The following ENTREP2 variants were observed in gnomAD, a reference collection of about 807,000 sequenced individuals.
The protein encoded by ENTREP2 is endosomal transmembrane epsin interactor 2.
the ENTREP2 span, among the ~76,000 whole-genome samples, chr15:29,275,194 A>G: frequency 2.0e-5 from 3 of 152,252 alleles, no homozygotes; most frequent in Non-Finnish European, 2.9e-5. Context: ...CAGTAGAACG[A>G]TGAGAAAGAT....
the ENTREP2 span, among the ~76,000 whole-genome samples, chr15:29,468,115 A>G: frequency 6.6e-5 from 10 of 152,244 alleles, no homozygotes; most frequent in South Asian, 2.1e-4. Flanking sequence ...TTATTCCCCC[A>G]AAGAACCTAG....
chr15:29,327,380 A>G, the ENTREP2 span, among the ~76,000 whole-genome samples: 8,694 of 152,096 alleles, frequency 0.057, 800 homozygotes, highest in African/African-American at 0.2. Flanking sequence ...GGATCACGAG[A>G]TTAGGAGGTT....
chr15:29,602,240 T>A, the ENTREP2 span, among the ~76,000 whole-genome samples: 1 of 152,228 alleles, frequency 6.6e-6, no homozygotes, highest in Admixed American at 6.5e-5. Flanking sequence ...CCCAAGCACC[T>A]ACTACAGTAC....
chr15:29,397,720 T>C, the ENTREP2 span, among the ~76,000 whole-genome samples: 2 of 152,140 alleles, frequency 1.3e-5, no homozygotes, highest in African/African-American at 2.4e-5. Flanking sequence ...ATTGGAAATA[T>C]GCTCAAACAG....
the ENTREP2 span, among the ~76,000 whole-genome samples, chr15:29,195,697 G>A: frequency 6.6e-6 from 1 of 151,870 alleles, no homozygotes; most frequent in Non-Finnish European, 1.5e-5. Flanking sequence ...GCTAATTTTT[G>A]TATTTTTAGT....
chr15:29,543,546 G>C, the ENTREP2 span, among the ~76,000 whole-genome samples: 1 of 150,244 alleles, frequency 6.7e-6, no homozygotes, highest in South Asian at 2.1e-4. Flanking sequence ...TTTGGGAGCT[G>C]AGGTAGGTGG....
chr15:29,130,180 AAG>A, the ENTREP2 span, among the ~76,000 whole-genome samples: 2 of 152,174 alleles, frequency 1.3e-5, no homozygotes, highest in East Asian at 3.9e-4. Flanking sequence ...TTCCGAGACA[AAG>A]AGAAGACGGA....
At chr15:29,475,471 G>A in the ENTREP2 span, among the ~76,000 whole-genome samples, 1 of 152,110 alleles carries the variant, frequency 6.6e-6, no homozygotes, top group African/African-American at 2.4e-5. Context: ...TTCACTCACC[G>A]CACCTTGGAA....
the ENTREP2 span, among the ~76,000 whole-genome samples, chr15:29,160,193 G>C: frequency 6.6e-6 from 1 of 152,188 alleles, no homozygotes; most frequent in African/African-American, 2.4e-5. Context: ...CGGAGCCCAC[G>C]CCCACTTGGA....
the ENTREP2 span, among the ~76,000 whole-genome samples, chr15:29,252,153 G>C: frequency 6.6e-6 from 1 of 152,102 alleles, no homozygotes; most frequent in Non-Finnish European, 1.5e-5. Flanking sequence ...AGAAGAAAAA[G>C]TTTTAATTGT....
chr15:29,137,020 C>T, the ENTREP2 span: 13 of 1,420,308 alleles, frequency 9.2e-6, no homozygotes, highest in African/African-American at 1.5e-5. Context: ...TGGGGGCAGC[C>T]GCGGGAGACC....
At chr15:29,156,560 G>T in the ENTREP2 span, among the ~76,000 whole-genome samples, 1 of 151,886 alleles carries the variant, frequency 6.6e-6, no homozygotes, top group Non-Finnish European at 1.5e-5. Flanking sequence ...ACTATAGATG[G>T]AGTAAACATC....
At chr15:29,177,329 T>C in the ENTREP2 span, among the ~76,000 whole-genome samples, 1 of 152,154 alleles carries the variant, frequency 6.6e-6, no homozygotes, top group Non-Finnish European at 1.5e-5. Flanking sequence ...TATTTTAAAA[T>C]ACACTGAACA....
the ENTREP2 span, chr15:29,570,747 G>C: frequency 1.6e-5 from 15 of 914,546 alleles, no homozygotes; most frequent in Non-Finnish European, 1.8e-5. Context: ...CGCACGCCTC[G>C]CCCGCTCCCG....
chr15:29,651,448 C>T, the ENTREP2 span, among the ~76,000 whole-genome samples: 1 of 152,216 alleles, frequency 6.6e-6, no homozygotes, highest in South Asian at 2.1e-4. Context: ...ATGCCAGCTG[C>T]AGCAGACAGG....
At chr15:29,421,165 C>G in the ENTREP2 span, among the ~76,000 whole-genome samples, 2 of 152,282 alleles carry the variant, frequency 1.3e-5, no homozygotes, top group East Asian at 3.9e-4. Context: ...GTCAGTATTA[C>G]TGAGAGGCTA....
the ENTREP2 span, among the ~76,000 whole-genome samples, chr15:29,628,989 C>G: frequency 3.5e-4 from 53 of 152,190 alleles, no homozygotes; most frequent in East Asian, 1.4e-3. Flanking sequence ...ACCTCAAGTG[C>G]TCTACCCGCC....
chr15:29,402,174 G>A, the ENTREP2 span, among the ~76,000 whole-genome samples: 1 of 151,764 alleles, frequency 6.6e-6, no homozygotes, highest in African/African-American at 2.4e-5. Flanking sequence ...GGAAACAACC[G>A]AGGTGTGCAG....
the ENTREP2 span, among the ~76,000 whole-genome samples, chr15:29,601,796 A>G: frequency 3.3e-5 from 5 of 152,202 alleles, no homozygotes; most frequent in African/African-American, 4.8e-5. Context: ...AGGCAGCACA[A>G]CTACACACTT....
Sources: gnomAD v4.1 joint callset for allele counts (sites outside exome capture counted in the v4.1 genomes callset) on GRCh38, gnomAD v4.1.1 for gene constraint, MANE v1.5 for transcripts, NCBI Gene and HGNC (gene_info 2026-07-23, HGNC 2026-07-21) for gene names.